Variants in SUGP2 observed in about 807,000 individuals in gnomAD.
The protein encoded by SUGP2 is SURP and G-patch domain containing 2.
Under a neutral mutation model 90.5 loss-of-function variants are expected in SUGP2, and 24 were observed. That is an observed-to-expected ratio of 0.27 (90% CI 0.19 to 0.37). The LOEUF (loss-of-function observed/expected upper bound fraction) is 0.37. Ranked by LOEUF, SUGP2 falls within the 10% of genes least tolerant of loss-of-function variation. The pLI is 1.00. For synonymous variants in SUGP2, 473 were observed against 513.4 expected, an observed-to-expected ratio of 0.92 and a Z score of 1.06; for missense variants, 1,233 against 1,363.3, an observed-to-expected ratio of 0.90 and a Z score of 1.51.
chr19:18,996,770 T>C (rs1353528373), intron 8 of SUGP2, among the ~76,000 whole-genome samples: 1 of 152,198 alleles, frequency 6.6e-6, no homozygotes, highest in Non-Finnish European at 1.5e-5. Context: ...CATGCTGGTC[T>C]TGATCAAACT....
chr19:19,005,892 C>CACCACA (rs1555730830), intron 6 of SUGP2, among the ~76,000 whole-genome samples: 1 of 19,898 alleles, frequency 5.0e-5, no homozygotes, highest in African/African-American at 3.2e-4. Flanking sequence ...CACACACACA[C>CACCACA]CACACACACA....
rs561917017 is a variant in SUGP2 at position 18,992,734 on chromosome 19, C to A, written c.*1007G>T. 1 of 152,284 alleles carries A rather than the reference C, an allele frequency of 6.6e-6. No homozygotes were observed. Among genetic ancestry groups the A allele is most frequent in the East Asian group, 1.9e-4 (1 of 5,190 alleles). The allele number at this position is 152,284 out of a possible 1,614,324, so 9.4% of individuals were successfully genotyped here. ...CTGATGCCCTAGCCACTGCTGTGTC[C>A]CCTAATCCTGGGGTGTCAGAGGGAT... On this transcript the variant is annotated 3_prime_UTR_variant, in exon 11 of 11. Coordinates refer to ENST00000452918, the MANE Select transcript of SUGP2 (RefSeq NM_001017392.5).
intron 4 of SUGP2, among the ~76,000 whole-genome samples, chr19:19,012,693 A>T (rs1275867925): frequency 6.6e-6 from 1 of 152,232 alleles, no homozygotes. Context: ...AGTAGTCATT[A>T]ACCGCTCAAC....
At chr19:19,006,196 G>A (rs2058072102) in intron 6 of SUGP2, among the ~76,000 whole-genome samples, 1 of 149,638 alleles carries the variant, frequency 6.7e-6, no homozygotes, top group Non-Finnish European at 1.5e-5. Context: ...CTCCAGCTTG[G>A]GCGACAGAGT....
chr19:18,994,952 G>T (rs1456983918), intron 9 of SUGP2, 192 bp downstream of exon 9: 1 of 675,336 alleles, frequency 1.5e-6, no homozygotes, highest in South Asian at 1.9e-5. Flanking sequence ...ATCTACACCA[G>T]GACAGAAAGG....
At chr19:19,012,811 T>TC (rs1261441130) in intron 4 of SUGP2, among the ~76,000 whole-genome samples, 2 of 152,234 alleles carry the variant, frequency 1.3e-5, no homozygotes, top group African/African-American at 2.4e-5. Context: ...CATTAATGTC[T>TC]CCTACCATGG....
At position 19,022,985 on chromosome 19, in the gene SUGP2, T is replaced by C. The variant is rs529303881; in HGVS notation, c.1729+1634A>G. On this transcript the variant is annotated intron_variant, in intron 3 of 10. Coordinates refer to ENST00000452918, the MANE Select transcript of SUGP2 (RefSeq NM_001017392.5). ...ATGATTACCATGTGTGCTCGTGACC[T>C]CTGGGATGTCTGGGCTGTGAGAGTC... Among the ~76,000 whole-genome samples the C allele has an allele frequency of 6.4e-4, 98 of 152,292 alleles. 1 individual carries two copies. The highest frequency in any genetic ancestry group is 6.3e-4 in the Non-Finnish European group (43 of 68,024).
chr19:18,994,992 A>G (rs2057514632), intron 9 of SUGP2, 152 bp downstream of exon 9: 1 of 879,534 alleles, frequency 1.1e-6, no homozygotes, highest in Non-Finnish European at 1.8e-6. Flanking sequence ...CATGTAAATG[A>G]TCAGCTTCTC....
At chr19:18,997,483 G>A (rs117907869) in intron 8 of SUGP2, among the ~76,000 whole-genome samples, 1 of 152,230 alleles carries the variant, frequency 6.6e-6, no homozygotes, top group Non-Finnish European at 1.5e-5. Context: ...GATGTAGGGG[G>A]TCAGAAACGG....
At chr19:19,030,183 T>TA (rs955387278) in intron 2 of SUGP2, among the ~76,000 whole-genome samples, 3 of 148,542 alleles carry the variant, frequency 2.0e-5, no homozygotes, top group Admixed American at 1.3e-4. Context: ...AACAAAAACA[T>TA]AAAAAACACC....
chr19:19,009,436 C>A (rs79897842), intron 5 of SUGP2, among the ~76,000 whole-genome samples: 1 of 152,096 alleles, frequency 6.6e-6, no homozygotes, highest in African/African-American at 2.4e-5. Flanking sequence ...TGCAGGTCAG[C>A]GAACCCCAAG....
In SUGP2 at chr19:19,004,604, T is replaced by A; in HGVS notation, c.2493A>T (p.Arg831=). The change falls in exon 7 of 11, where the codon CGA becomes CGT. Residue 831 remains arginine, a synonymous_variant. Transcript: ENST00000452918. ...ATGGACATAGTTCAAACACTTTCTT[T>A]CGATAGAATTTGAAAGCAGAACTAT... ...DQNSSAFKFY[R]KKVFELCPSI... 6.2e-7 allele frequency: 1 copy of A among 1,612,874 alleles called. No homozygotes were observed. The highest frequency in any genetic ancestry group is 8.5e-7 in the Non-Finnish European group (1 of 1,179,174).
At chr19:19,022,569 G>C (rs1238250727) in intron 3 of SUGP2, among the ~76,000 whole-genome samples, 1 of 152,238 alleles carries the variant, frequency 6.6e-6, no homozygotes, top group African/African-American at 2.4e-5. Context: ...GCAGGCGGTA[G>C]CATTTTCAGT....
intron 2 of SUGP2, among the ~76,000 whole-genome samples, chr19:19,026,757 C>T (rs2058949167): frequency 6.6e-6 from 1 of 152,198 alleles, no homozygotes; most frequent in Non-Finnish European, 1.5e-5. Context: ...CCCACAGTGC[C>T]ACCGTGAGGC....
At position 19,025,815 on chromosome 19, in the gene SUGP2, A is replaced by G. The variant is rs1417960132; in HGVS notation, c.533T>C (p.Leu178Pro). The change falls in exon 3 of 11, where the codon CTG becomes CCG. Residue 178 changes from leucine (L) to proline (P), a missense_variant. Physicochemically the swap from Leu to Pro is moderately conservative, Grantham distance 98. This residue lies in a region of SUGP2 where 418 missense variants were observed against 399.9 expected (regional missense o/e 1.05). Coordinates refer to ENST00000452918, the MANE Select transcript of SUGP2 (RefSeq NM_001017392.5). ...CTTCTCCAAACACTCTTTCTCAATC[A>G]GCCTGGAAGATCCAAAGTCCCCCAA... ...AVLGDFGSSR[L>P]IEKECLEKES... 1.9e-6 allele frequency: 3 copies of G among 1,614,096 alleles called. No individual in the cohort carries two copies. The South Asian group carries it at 3.3e-5, about 18-fold the overall frequency.
At chr19:18,996,804 C>T (rs2057612530) in intron 8 of SUGP2, among the ~76,000 whole-genome samples, 2 of 152,222 alleles carry the variant, frequency 1.3e-5, no homozygotes, top group East Asian at 3.8e-4. Context: ...GATCTGCCCG[C>T]CTCAGCCTCA....
intron 2 of SUGP2, among the ~76,000 whole-genome samples, chr19:19,029,033 T>C (rs1275294594): frequency 1.3e-5 from 2 of 151,958 alleles, no homozygotes; most frequent in Non-Finnish European, 2.9e-5. Flanking sequence ...GGCTGGAGTA[T>C]AATGGCACAA....
chr19:19,004,736 T>C (rs2057993747), intron 6 of SUGP2, 90 bp from the exon 7 acceptor site: 3 of 1,100,566 alleles, frequency 2.7e-6, no homozygotes, highest in African/African-American at 1.6e-5. Flanking sequence ...CCAAGGAAGG[T>C]GGAGGTGGGA....
rs1047265678 is a variant in SUGP2, at chr19:19,004,550, G to A, written c.2547C>T (p.Asn849=). The change falls in exon 7 of 11, where the codon AAC becomes AAT. Residue 849 remains asparagine (N), a synonymous_variant. Coordinates refer to ENST00000452918, the MANE Select transcript of SUGP2 (RefSeq NM_001017392.5). ...TGGTGTCACCACCACCAGTGTGAAG[G>A]TTGTGCGGAGATGACGTGAAACAAA... ...PSICFTSSPH[N]LHTGGGDTTG... 1 of 1,614,248 alleles carries A rather than the reference G, an allele frequency of 6.2e-7. No homozygotes were observed. Among genetic ancestry groups the A allele is most frequent in the Non-Finnish European group, 8.5e-7 (1 of 1,180,032 alleles).
Sources: gnomAD v4.1 joint callset for allele counts (sites outside exome capture counted in the v4.1 genomes callset) on GRCh38, gnomAD v4.1.1 for gene constraint, gnomAD v4.1.1 regional missense constraint, MANE v1.5 for transcripts, NCBI Gene and HGNC (gene_info 2026-07-23, HGNC 2026-07-21) for gene names.